Variants in TRAPPC9 observed in about 807,000 individuals in gnomAD.
TRAPPC9 encodes IKK2 binding protein.
TRAPPC9 carries 83 observed loss-of-function variants against 124.0 expected under a neutral mutation model. The observed-to-expected ratio is 0.67, with a 90% CI of 0.56 to 0.80. The LOEUF (loss-of-function observed/expected upper bound fraction) is 0.80, where lower values mean the gene tolerates loss of function less well. Among genes scored for constraint, TRAPPC9 ranks in the 30% least tolerant of loss-of-function variants. The pLI is 0.00. For synonymous variants in TRAPPC9, 638 were observed against 617.5 expected, an observed-to-expected ratio of 1.03 and a Z score of -0.49; for missense variants, 1,302 against 1,508.3, an observed-to-expected ratio of 0.86 and a Z score of 2.27.
rs139853545 is a variant in TRAPPC9, at chr8:139,974,393, G to A, written c.2810+14333C>T. On this transcript the variant is annotated intron_variant, in intron 19 of 22. Coordinates refer to ENST00000438773, the MANE Select transcript of TRAPPC9 (RefSeq NM_001160372.4). ...TCCTGAGCTAACCCAACATCTCCCCGTTCCAGCAGCTGCAGCATCAGCAGA... is the reference window on the plus strand; with the variant it reads ...TCCTGAGCTAACCCAACATCTCCCCATTCCAGCAGCTGCAGCATCAGCAGA... Among the ~76,000 whole-genome samples the A allele has an allele frequency of 2.4e-3, 366 of 152,216 alleles. 2 individuals are homozygous for A. The highest frequency in any genetic ancestry group is 1.0e-2 in the South Asian group (48 of 4,816).
chr8:140,364,538 G>A (rs369868381), intron 8 of TRAPPC9, among the ~76,000 whole-genome samples: 3 of 151,950 alleles, frequency 2.0e-5, no homozygotes, highest in Admixed American at 1.3e-4. Context: ...CAACTCTCCC[G>A]TGCTAAGACT....
intron 14 of TRAPPC9, among the ~76,000 whole-genome samples, chr8:140,280,148 T>C (rs577640889): frequency 2.0e-5 from 3 of 152,326 alleles, no homozygotes; most frequent in Admixed American, 2.0e-4. Flanking sequence ...GGTGCCACAG[T>C]TCTACGGACA....
Position 139,851,685 on chromosome 8 carries a change from G to C in TRAPPC9, c.3055+34194C>G, listed in dbSNP as rs75475425. ...CAAAAGGGAAATGAGTCGGGAAGGG[G>C]AAAGGTCCCGCGGACTCACGGCAAA... is the stretch of plus-strand genomic sequence containing the variant. On this transcript the variant is annotated intron_variant, in intron 21 of 22. Coordinates refer to ENST00000438773, the MANE Select transcript of TRAPPC9 (RefSeq NM_001160372.4). Among the ~76,000 whole-genome samples the C allele has an allele frequency of 2.7e-3, 413 of 152,330 alleles. 3 individuals carry two copies. The highest frequency in any genetic ancestry group is 9.8e-3 in the African/African-American group (406 of 41,576).
intron 14 of TRAPPC9, among the ~76,000 whole-genome samples, chr8:140,281,613 A>G (rs2065324888): frequency 6.6e-6 from 1 of 152,184 alleles, no homozygotes; most frequent in Non-Finnish European, 1.5e-5. Context: ...ATGAAGTCCA[A>G]TCTGTCAACG....
chr8:140,253,534 C>G (rs1410591178), intron 15 of TRAPPC9, among the ~76,000 whole-genome samples: 3 of 152,020 alleles, frequency 2.0e-5, no homozygotes, highest in Non-Finnish European at 1.5e-5. Flanking sequence ...CAAAATTTAG[C>G]CAGTGTGGCA....
intron 21 of TRAPPC9, among the ~76,000 whole-genome samples, chr8:139,827,669 G>A (rs1318110005): frequency 6.6e-6 from 1 of 152,212 alleles, no homozygotes; most frequent in Non-Finnish European, 1.5e-5. Context: ...GAAGCCAGGT[G>A]TCCTGGCAAA....
intron 17 of TRAPPC9, among the ~76,000 whole-genome samples, chr8:140,113,533 G>A (rs777040897): frequency 9.9e-5 from 15 of 152,220 alleles, no homozygotes; most frequent in Non-Finnish European, 1.9e-4. Flanking sequence ...AGGGTTGCAG[G>A]AGCAGGCACC....
intron 21 of TRAPPC9, among the ~76,000 whole-genome samples, chr8:139,761,879 C>A (rs1171387943): frequency 6.6e-6 from 1 of 151,666 alleles, no homozygotes; most frequent in African/African-American, 2.4e-5. Flanking sequence ...GCATCTGCTT[C>A]TTCTGCTTGT....
intron 17 of TRAPPC9, among the ~76,000 whole-genome samples, chr8:140,033,658 G>GTTTTTTGTTTTTTTTTTTTT (rs1563706552): frequency 4.7e-5 from 2 of 42,362 alleles, no homozygotes; most frequent in Non-Finnish European, 5.5e-5. Flanking sequence ...TCATAATGTG[G>GTTTTTTGTTTTTTTTTTTTT]TTTTTTTTTT....
intron 21 of TRAPPC9, among the ~76,000 whole-genome samples, chr8:139,750,696 C>T (rs1563784184): frequency 6.6e-6 from 1 of 152,296 alleles, no homozygotes; most frequent in Admixed American, 6.5e-5. Context: ...CTTTCCAGCA[C>T]GGAGGGGGCA....
Position 140,010,205 on chromosome 8 carries a change from G to A in TRAPPC9, c.2699+13732C>T, listed in dbSNP as rs370169664. Among the ~76,000 whole-genome samples the A allele has an allele frequency of 2.6e-5, 4 of 151,906 alleles. No individual in the cohort carries two copies. The East Asian group carries it at 7.7e-4, about 29-fold the overall frequency. On this transcript the variant is annotated intron_variant, in intron 18 of 22. Coordinates refer to ENST00000438773, the MANE Select transcript of TRAPPC9 (RefSeq NM_001160372.4). ...AGATTTTGTAAAATCTTAGATTTTT[G>A]CAATTTAAAAAATTAGTTCCCAATA... is the stretch of plus-strand genomic sequence containing the variant.
At chr8:140,292,995 C>T (rs552749234) in intron 11 of TRAPPC9, among the ~76,000 whole-genome samples, 1 of 146,180 alleles carries the variant, frequency 6.8e-6, no homozygotes, top group Non-Finnish European at 1.5e-5. Context: ...CCAGAATCTA[C>T]AATGAACTCA....
At chr8:139,772,570 A>G (rs898231646) in intron 21 of TRAPPC9, among the ~76,000 whole-genome samples, 6 of 152,218 alleles carry the variant, frequency 3.9e-5, no homozygotes, top group African/African-American at 1.4e-4. Flanking sequence ...CCTTGCCTGG[A>G]GTCGGCTACA....
chr8:139,989,697 AG>A (rs1837499391), intron 18 of TRAPPC9, among the ~76,000 whole-genome samples: 1 of 152,190 alleles, frequency 6.6e-6, no homozygotes, highest in Non-Finnish European at 1.5e-5. Context: ...GAGGCGCTTG[AG>A]AGCCGTCACT....
intron 21 of TRAPPC9, among the ~76,000 whole-genome samples, chr8:139,803,251 T>A (rs1823685297): frequency 6.6e-6 from 1 of 152,234 alleles, no homozygotes; most frequent in South Asian, 2.1e-4. Context: ...AGTGTGTGTG[T>A]GTCACAGGCT....
At chr8:140,199,854 G>GTAAC (rs369899806) in intron 17 of TRAPPC9, among the ~76,000 whole-genome samples, 212 of 152,158 alleles carry the variant, frequency 1.4e-3, no homozygotes, top group African/African-American at 5.0e-3. Flanking sequence ...AGATGAGATG[G>GTAAC]TAACTTTGGA....
At chr8:139,938,102 C>T (rs193209702) in intron 19 of TRAPPC9, among the ~76,000 whole-genome samples, 1 of 152,308 alleles carries the variant, frequency 6.6e-6, no homozygotes, top group East Asian at 1.9e-4. Flanking sequence ...ATGCAATTGA[C>T]AATTAGGGAT....
chr8:140,161,646 G>A (rs948943669), intron 17 of TRAPPC9, among the ~76,000 whole-genome samples: 10 of 152,114 alleles, frequency 6.6e-5, no homozygotes, highest in Admixed American at 5.2e-4. Context: ...CACTTGTGGC[G>A]TCATGCAAGT....
intron 13 of TRAPPC9, among the ~76,000 whole-genome samples, chr8:140,286,418 G>T (rs377745836): frequency 2.6e-5 from 4 of 152,286 alleles, no homozygotes; most frequent in South Asian, 2.1e-4. Flanking sequence ...GGCCACAGAT[G>T]GGAGGTGGGT....
Sources: gnomAD v4.1 joint callset for allele counts (sites outside exome capture counted in the v4.1 genomes callset) on GRCh38, gnomAD v4.1.1 for gene constraint, MANE v1.5 for transcripts, NCBI Gene and HGNC (gene_info 2026-07-23, HGNC 2026-07-21) for gene names.